The following F8 variants were observed in gnomAD, a reference collection of about 807,000 sequenced individuals.
The protein encoded by F8 is coagulation factor VIII, also known as antihemophilic factor.
In F8, 12 loss-of-function variants were observed where a neutral mutation model predicts 140.6. The ratio of observed to expected loss-of-function variants is 0.09; its 90% CI spans 0.05 to 0.14. The LOEUF (loss-of-function observed/expected upper bound fraction) is 0.14. Among genes scored for constraint, F8 ranks in the 10% least tolerant of loss-of-function variants. The probability of loss-of-function intolerance (pLI) is 1.00; values close to 1 mark genes in which losing one functional copy is unlikely to be tolerated. For missense variants in F8, 1,354 were observed against 1,720.7 expected, an observed-to-expected ratio of 0.79 and a Z score of 3.77; for synonymous variants, 585 against 614.6, an observed-to-expected ratio of 0.95 and a Z score of 0.71.
Position 154,861,783 on chromosome X carries a change from C to G in F8, c.6658G>C (p.Ala2220Pro), listed in dbSNP as rs782548763. 2.5e-6 allele frequency: 3 copies of G among 1,211,461 alleles called. No individual in the cohort carries two copies. The highest frequency in any genetic ancestry group is 2.2e-6 in the Non-Finnish European group (2 of 895,258). The change falls in exon 24 of 26, where the codon GCC (alanine) becomes CCC (proline). Residue 2220 changes from alanine to proline, a missense_variant. By Grantham distance (27) the Ala-to-Pro change is conservative (BLOSUM62 -1). Coordinates refer to ENST00000360256, the MANE Select transcript of F8 (RefSeq NM_000132.4). Reference protein sequence around the residue: ...TASSYFTNMFATWSPSKARLH... With the variant: ...TASSYFTNMFPTWSPSKARLH... ...CGAGCTTTTGAAGGAGACCAGGTGGCAAACATATTGGTAAAGTAGGATGAA... is the reference window on the plus strand; with the variant it reads ...CGAGCTTTTGAAGGAGACCAGGTGGGAAACATATTGGTAAAGTAGGATGAA...
Position 154,999,386 on chromosome X carries a change from G to A in F8, c.265+93C>T, listed in dbSNP as rs367871888. On this transcript the variant is annotated intron_variant, in intron 2 of 25. Coordinates refer to ENST00000360256, the MANE Select transcript of F8 (RefSeq NM_000132.4). ...TAGGGAAACATTCTCTTTGGCAGCTGCACTTTTTAACTGCAACCTCAAGAT... is the reference window on the plus strand; with the variant it reads ...TAGGGAAACATTCTCTTTGGCAGCTACACTTTTTAACTGCAACCTCAAGAT... The A allele has an allele frequency of 1.1e-4, 108 of 965,520 alleles. 1 individual carries two copies. In the South Asian group the frequency reaches 2.0e-3, roughly 17 times the overall value. 79.6% of individuals were successfully genotyped at this position (965,520 alleles called of 1,213,427 possible).
chrX:154,966,814 G>A (rs1433872776), intron 7 of F8, 127 bp from the exon 8 acceptor site: 8 of 852,779 alleles, frequency 9.4e-6, no homozygotes, highest in Non-Finnish European at 1.2e-5. Flanking sequence ...TATATGGGAA[G>A]CATGGTGCTG....
In F8 at chrX:154,928,606, A is replaced by G; in HGVS notation, c.5184T>C (p.Tyr1728=). Residue 1728 remains tyrosine, a synonymous_variant, in exon 14 of 26, where the codon TAT becomes TAC. Coordinates refer to ENST00000360256, the MANE Select transcript of F8 (RefSeq NM_000132.4). The part of the protein sequence containing the change: ...FIAAVERLWD[Y]GMSSSPHVLR... Reference sequence around the variant, plus strand: ...GAACATGTGGGGAGCTACTCATCCCATAATCCCAGAGCCTCTCCACTGCAG... The same window carrying G: ...GAACATGTGGGGAGCTACTCATCCCGTAATCCCAGAGCCTCTCCACTGCAG... The G allele has an allele frequency of 1.5e-5, 18 of 1,211,645 alleles. No individual in the cohort carries two copies. The highest frequency in any genetic ancestry group is 2.0e-5 in the Non-Finnish European group (18 of 895,256).
chrX:154,847,661 T>G (rs1557271854), intron 25 of F8, among the ~76,000 whole-genome samples: 2 of 111,988 alleles, frequency 1.8e-5, no homozygotes, highest in African/African-American at 6.5e-5. Context: ...TTCTCTATAC[T>G]GGTTATTCTA....
intron 13 of F8, among the ~76,000 whole-genome samples, chrX:154,946,765 C>T (rs2073306922): frequency 9.0e-6 from 1 of 111,128 alleles, no homozygotes; most frequent in Non-Finnish European, 1.9e-5. Flanking sequence ...GCAAAGGAAA[C>T]AATTAACAAA....
At chrX:154,952,109 G>A (rs1411689078) in intron 12 of F8, among the ~76,000 whole-genome samples, 1 of 111,536 alleles carries the variant, frequency 9.0e-6, no homozygotes, top group Non-Finnish European at 1.9e-5. Context: ...AGCACAATAA[G>A]GAAATTATAA....
At chrX:154,917,729 AT>A (rs1257357924) in intron 14 of F8, among the ~76,000 whole-genome samples, 97 of 103,916 alleles carry the variant, frequency 9.3e-4, no homozygotes, top group African/African-American at 2.7e-3. Context: ...TTTCCAGTGC[AT>A]TTTTTTTTTC....
At chrX:154,952,701 C>A (rs1376831325) in intron 12 of F8, among the ~76,000 whole-genome samples, 2 of 110,838 alleles carry the variant, frequency 1.8e-5, no homozygotes, top group Non-Finnish European at 3.8e-5. Flanking sequence ...CGCCACCATG[C>A]CCGGCTAATT....
At chrX:154,873,856 A>G (rs1206225890) in intron 22 of F8, among the ~76,000 whole-genome samples, 1 of 112,078 alleles carries the variant, frequency 8.9e-6, no homozygotes, top group Admixed American at 9.5e-5. Flanking sequence ...AATTGATTAA[A>G]CACTTGTATA....
chrX:154,860,444 A>C lies in F8; in HGVS notation c.6888T>G (p.Asn2296Lys), dbSNP rs781846388. The C allele has an allele frequency of 8.3e-7, 1 of 1,210,413 alleles. No individual in the cohort carries two copies. The highest frequency in any genetic ancestry group is 1.7e-5 in the African/African-American group (1 of 57,433). ...GAGACCAGCTTACCTTTACTTTGCC[A>C]TTCTGAAAAAAGAGAGTCCACTGAT... ...DGHQWTLFFQ[N>K]GKVKVFQGNQ... Residue 2296 changes from asparagine (N) to lysine (K), a missense_variant, in exon 25 of 26, where the codon AAT (asparagine) becomes AAG (lysine). Coordinates refer to ENST00000360256, the MANE Select transcript of F8 (RefSeq NM_000132.4).
intron 11 of F8, 67 bp from the exon 12 acceptor site, chrX:154,954,109 T>C: frequency 9.3e-7 from 1 of 1,079,956 alleles, no homozygotes; most frequent in Non-Finnish European, 1.3e-6. Context: ...GAGCTAGCAG[T>C]CTATGATGAA....
intron 13 of F8, among the ~76,000 whole-genome samples, chrX:154,940,487 C>G (rs782673849): frequency 8.9e-6 from 1 of 111,923 alleles, no homozygotes; most frequent in Non-Finnish European, 1.9e-5. Flanking sequence ...AAGAAACAAA[C>G]GAAGCCTCCA....
At chrX:154,932,316 T>C (rs1480025549) in intron 13 of F8, among the ~76,000 whole-genome samples, 1 of 112,379 alleles carries the variant, frequency 8.9e-6, no homozygotes, top group African/African-American at 3.2e-5. Context: ...TAATATAAAA[T>C]TCTACCATGG....
At chrX:154,931,962 C>A (rs1191596338) in intron 13 of F8, among the ~76,000 whole-genome samples, 1 of 111,886 alleles carries the variant, frequency 8.9e-6, no homozygotes, top group Non-Finnish European at 1.9e-5. Flanking sequence ...AATGGAGGGT[C>A]TTAATAGTGA....
intron 25 of F8, among the ~76,000 whole-genome samples, chrX:154,855,561 C>G (rs1423414602): frequency 1.8e-5 from 2 of 111,655 alleles, no homozygotes; most frequent in Non-Finnish European, 3.8e-5. Context: ...GTGGAAGACC[C>G]TGATTAAGCT....
chrX:154,904,732 A>G, intron 16 of F8, 79 bp downstream of exon 16: 1 of 917,613 alleles, frequency 1.1e-6, no homozygotes, highest in Non-Finnish European at 1.6e-6. Context: ...TGCACGTAGG[A>G]TAAATATCAA....
chrX:154,967,106 C>A (rs1326121722), intron 7 of F8, among the ~76,000 whole-genome samples: 1 of 111,561 alleles, frequency 9.0e-6, no homozygotes, highest in Admixed American at 9.6e-5. Flanking sequence ...CTTGCCTTAA[C>A]TTTTATGACT....
intron 13 of F8, among the ~76,000 whole-genome samples, chrX:154,942,036 TAG>T (rs1173272285): frequency 0.026 from 2,672 of 103,969 alleles, 41 homozygotes; most frequent in African/African-American, 0.045. Flanking sequence ...TGGAAATTTA[TAG>T]CACTAAATGC....
At chrX:154,901,493 T>G in intron 19 of F8, 51 bp from the exon 20 acceptor site, 1 of 825,873 alleles carries the variant, frequency 1.2e-6, no homozygotes, top group Non-Finnish European at 1.8e-6. Flanking sequence ...AAAATTCAGC[T>G]TCTCAAATGT....
Sources: gnomAD v4.1 joint callset for allele counts (sites outside exome capture counted in the v4.1 genomes callset) on GRCh38, gnomAD v4.1.1 for gene constraint, MANE v1.5 for transcripts, NCBI Gene and HGNC (gene_info 2026-07-23, HGNC 2026-07-21) for gene names.